SMYD3: variants seen among roughly 807,000 people sequenced by gnomAD.
SMYD3 encodes histone-lysine N-methyltransferase SMYD3.
In SMYD3, 36 loss-of-function variants were observed where a neutral mutation model predicts 57.7. The observed-to-expected ratio is 0.62, with a 90% CI of 0.48 to 0.82. The LOEUF is 0.82. Among genes scored for constraint, SMYD3 ranks in the 40% least tolerant of loss-of-function variants. SMYD3 has a pLI of 0.00. For missense variants in SMYD3, 515 were observed against 538.8 expected (o/e 0.96, Z 0.44); for synonymous variants, 211 against 195.0 (o/e 1.08, Z -0.68).
intron 5 of SMYD3, among the ~76,000 whole-genome samples, chr1:246,026,500 T>C (rs1223862690): frequency 6.6e-6 from 1 of 152,240 alleles, no homozygotes; most frequent in African/African-American, 2.4e-5. Flanking sequence ...ATTTGTCCAA[T>C]AGCATGTGTG....
chr1:245,807,284 T>G (rs1020444361), intron 10 of SMYD3, among the ~76,000 whole-genome samples: 1 of 151,706 alleles, frequency 6.6e-6, no homozygotes, highest in African/African-American at 2.4e-5. Context: ...CAGCAAAAGG[T>G]CTTACAAAAG....
rs140892278 is a variant in SMYD3, at chr1:246,031,213, T to C, written c.532-101276A>G. ...AGGAAATCACATAAAGAAAGGACCATTGATACGATAATCATTATAATAAAT... is the reference window on the plus strand; with the variant it reads ...AGGAAATCACATAAAGAAAGGACCACTGATACGATAATCATTATAATAAAT... On this transcript the variant is annotated intron_variant, in intron 5 of 11. Coordinates refer to ENST00000490107, the MANE Select transcript of SMYD3 (RefSeq NM_001167740.2). Among the ~76,000 whole-genome samples, 391 of 152,256 alleles carry C rather than the reference T, an allele frequency of 2.6e-3. 2 individuals are homozygous for C. Among genetic ancestry groups the C allele is most frequent in the African/African-American group, 8.7e-3 (360 of 41,532 alleles).
chr1:246,434,975 T>G (rs1388542327), intron 1 of SMYD3, among the ~76,000 whole-genome samples: 2 of 152,166 alleles, frequency 1.3e-5, no homozygotes, highest in Non-Finnish European at 2.9e-5. Context: ...CATGGAATAC[T>G]TAGCCATAAA....
intron 10 of SMYD3, among the ~76,000 whole-genome samples, chr1:245,817,662 G>T (rs897023503): frequency 2.6e-5 from 4 of 151,610 alleles, no homozygotes; most frequent in African/African-American, 9.7e-5. Context: ...AAATTTAGAA[G>T]AATGTATAAC....
At chr1:245,957,088 C>A (rs913894839) in intron 5 of SMYD3, among the ~76,000 whole-genome samples, 1 of 152,196 alleles carries the variant, frequency 6.6e-6, no homozygotes, top group Non-Finnish European at 1.5e-5. Context: ...ATGTATTCAT[C>A]TGCAGCACCA....
At chr1:245,815,759 A>G (rs1336559756) in intron 10 of SMYD3, among the ~76,000 whole-genome samples, 3 of 152,240 alleles carry the variant, frequency 2.0e-5, no homozygotes, top group African/African-American at 7.2e-5. Context: ...GTCTCACTGA[A>G]TCAACCCCTA....
At chr1:246,162,617 T>A (rs903264381) in intron 5 of SMYD3, among the ~76,000 whole-genome samples, 8 of 152,192 alleles carry the variant, frequency 5.3e-5, no homozygotes, top group Admixed American at 3.9e-4. Flanking sequence ...TAACCAGCAC[T>A]TCCTAACAGC....
At chr1:245,772,123 T>C (rs1206794510) in intron 10 of SMYD3, among the ~76,000 whole-genome samples, 1 of 152,162 alleles carries the variant, frequency 6.6e-6, no homozygotes. Context: ...CCTCAGCTCT[T>C]GTTTGGTTTC....
chr1:246,040,525 C>T (rs2059851087), intron 5 of SMYD3, among the ~76,000 whole-genome samples: 1 of 152,134 alleles, frequency 6.6e-6, no homozygotes, highest in Admixed American at 6.5e-5. Flanking sequence ...CCAAATTAAC[C>T]CAAAATGCAG....
chr1:246,146,800 AG>A (rs892152713), intron 5 of SMYD3, among the ~76,000 whole-genome samples: 2 of 152,164 alleles, frequency 1.3e-5, no homozygotes, highest in African/African-American at 4.8e-5. Context: ...GAGAGGAGGA[AG>A]GGGAAGGATG....
At position 245,928,836 on chromosome 1, in the gene SMYD3, G is replaced by A. The variant is rs192450224; in HGVS notation, c.600-803C>T. 2.6e-4 allele frequency among the ~76,000 whole-genome samples: 39 copies of A among 152,312 alleles called. 1 individual carries two copies. Among genetic ancestry groups the A allele is most frequent in the Admixed American group, 2.5e-3 (39 of 15,300 alleles). ...ACTATTTGCTCTTAAATAGAGAGCT[G>A]ACGTTATTTTGCCACCTACATCCTG... On this transcript the variant is annotated intron_variant, in intron 6 of 11. Coordinates refer to ENST00000490107, the MANE Select transcript of SMYD3 (RefSeq NM_001167740.2).
At chr1:246,286,452 A>G (rs2064565669) in intron 5 of SMYD3, among the ~76,000 whole-genome samples, 1 of 152,180 alleles carries the variant, frequency 6.6e-6, no homozygotes, top group South Asian at 2.1e-4. Flanking sequence ...AATTCATCAT[A>G]CAAATTATTT....
At chr1:246,084,131 TAGAA>T (rs1049687345) in intron 5 of SMYD3, among the ~76,000 whole-genome samples, 2 of 151,520 alleles carry the variant, frequency 1.3e-5, no homozygotes, top group Admixed American at 6.6e-5. Context: ...TTTTGTGTGA[TAGAA>T]AGATAGCCCC....
At chr1:245,786,218 G>T (rs1000710594) in intron 10 of SMYD3, among the ~76,000 whole-genome samples, 24 of 147,576 alleles carry the variant, frequency 1.6e-4, no homozygotes, top group Non-Finnish European at 3.4e-4. Flanking sequence ...GTGGACGGGG[G>T]GGGGATGGTG....
At chr1:246,356,599 G>A (rs1221294610) in intron 1 of SMYD3, among the ~76,000 whole-genome samples, 1 of 152,102 alleles carries the variant, frequency 6.6e-6, no homozygotes, top group Non-Finnish European at 1.5e-5. Context: ...AATAAAAAAT[G>A]ATCACAACTT....
chr1:245,951,672 T>G (rs1046516249), intron 5 of SMYD3, among the ~76,000 whole-genome samples: 2 of 151,472 alleles, frequency 1.3e-5, no homozygotes, highest in Non-Finnish European at 2.9e-5. Flanking sequence ...ACTTTTCCCC[T>G]GTGTTGTCCT....
intron 2 of SMYD3, among the ~76,000 whole-genome samples, chr1:246,350,519 T>G (rs1483294261): frequency 6.6e-6 from 1 of 152,138 alleles, no homozygotes; most frequent in Non-Finnish European, 1.5e-5. Flanking sequence ...CACGACATGA[T>G]GACTAAATGG....
At chr1:246,465,795 CAG>C (rs1190682330) in intron 1 of SMYD3, among the ~76,000 whole-genome samples, 2 of 152,050 alleles carry the variant, frequency 1.3e-5, no homozygotes, top group African/African-American at 2.4e-5. Flanking sequence ...TTTTTTGAAA[CAG>C]AGTCTCACTT....
intron 5 of SMYD3, among the ~76,000 whole-genome samples, chr1:246,148,988 CTGA>C (rs1300228883): frequency 1.3e-5 from 2 of 152,150 alleles, no homozygotes; most frequent in East Asian, 1.9e-4. Flanking sequence ...ACAAATGCAG[CTGA>C]TGTCAGAAAA....
Sources: gnomAD v4.1 joint callset for allele counts (sites outside exome capture counted in the v4.1 genomes callset) on GRCh38, gnomAD v4.1.1 for gene constraint, MANE v1.5 for transcripts, NCBI Gene and HGNC (gene_info 2026-07-23, HGNC 2026-07-21) for gene names.